The following RASSF9 variants were observed in gnomAD, a reference collection of about 807,000 sequenced individuals.
RASSF9 encodes Ras association domain family member 9.
RASSF9 carries 18 observed loss-of-function variants against 21.4 expected under a neutral mutation model. The observed-to-expected ratio is 0.84, with a 90% CI of 0.58 to 1.25. The LOEUF (loss-of-function observed/expected upper bound fraction) is 1.25, where lower values mean the gene tolerates loss of function less well. RASSF9 is among the 50% of genes most tolerant of loss of function. The probability of loss-of-function intolerance (pLI) is 0.00; values close to 1 mark genes in which losing one functional copy is unlikely to be tolerated. For synonymous variants in RASSF9, 183 were observed against 179.1 expected, an observed-to-expected ratio of 1.02 and a Z score of -0.18; for missense variants, 480 against 503.2, an observed-to-expected ratio of 0.95 and a Z score of 0.44.
In RASSF9 at chr12:85,805,795, C is replaced by G. The variant is rs1405882537; in HGVS notation, c.215G>C (p.Gly72Ala). Residue 72 changes from glycine to alanine, a missense_variant, in exon 2 of 2, where the codon GGG (glycine) becomes GCG (alanine). Transcript: ENST00000361228. ...ATFGEKRFLL[G>A]KPSDYCIIEK... ...TATGATGCAGTAATCACTGGGCTTC[C>G]CCAGAAGAAATCGTTTCTCTCCAAA... 3 of 1,613,826 alleles carry G rather than the reference C, an allele frequency of 1.9e-6. No individual in the cohort carries two copies. The South Asian group carries it at 3.3e-5, about 18-fold the overall frequency.
At chr12:85,823,671 G>C (rs1006329743) in intron 1 of RASSF9, among the ~76,000 whole-genome samples, 5 of 152,164 alleles carry the variant, frequency 3.3e-5, no homozygotes, top group Non-Finnish European at 7.3e-5. Context: ...TGTATCTTCT[G>C]CTTAATTCTT....
intron 1 of RASSF9, among the ~76,000 whole-genome samples, chr12:85,825,813 CA>C (rs2136561539): frequency 6.7e-6 from 1 of 148,200 alleles, no homozygotes; most frequent in Admixed American, 6.7e-5. Flanking sequence ...CACACACACA[CA>C]CCCTTACAGT....
At chr12:85,808,752 A>G (rs973110491) in intron 1 of RASSF9, among the ~76,000 whole-genome samples, 6 of 152,070 alleles carry the variant, frequency 3.9e-5, no homozygotes, top group Non-Finnish European at 7.4e-5. Flanking sequence ...TTGAAAAGCA[A>G]TAAACAATAT....
intron 1 of RASSF9, among the ~76,000 whole-genome samples, chr12:85,821,155 G>GA (rs369850571): frequency 4.1e-4 from 62 of 150,052 alleles, no homozygotes; most frequent in Non-Finnish European, 6.7e-4. Flanking sequence ...AAAAATAAAA[G>GA]AAAAAAAAAG....
chr12:85,814,500 C>A (rs12815343), intron 1 of RASSF9, among the ~76,000 whole-genome samples: 36,893 of 151,870 alleles, frequency 0.24, 5,596 homozygotes, highest in South Asian at 0.36. Flanking sequence ...AACATATTTT[C>A]ATCATAGCTC....
At chr12:85,807,754 G>A (rs1426588912) in intron 1 of RASSF9, among the ~76,000 whole-genome samples, 1 of 151,962 alleles carries the variant, frequency 6.6e-6, no homozygotes, top group African/African-American at 2.4e-5. Flanking sequence ...CAGTTCTCTG[G>A]AGAAAAAATG....
rs1879745065 is a variant in RASSF9, at chr12:85,803,406, C to T, written c.*1296G>A. The T allele has an allele frequency of 6.6e-6, 1 of 151,252 alleles. No homozygotes were observed. The highest frequency in any genetic ancestry group is 2.4e-5 in the African/African-American group (1 of 41,072). 9.4% of individuals were successfully genotyped at this position (151,252 alleles called of 1,614,324 possible). A position where few individuals can be genotyped will look rare whatever the true frequency, so the allele number is the denominator to read the frequency against. Reference sequence around the variant, plus strand: ...CTGCAGCAGTACTCAGTTAACAGTACAATAAAAAATAATTATTTCATTATG... The same window carrying T: ...CTGCAGCAGTACTCAGTTAACAGTATAATAAAAAATAATTATTTCATTATG... On this transcript the variant is annotated 3_prime_UTR_variant, in exon 2 of 2. Coordinates refer to ENST00000361228, the MANE Select transcript of RASSF9 (RefSeq NM_005447.4).
intron 1 of RASSF9, among the ~76,000 whole-genome samples, chr12:85,826,467 A>G (rs867923394): frequency 6.2e-4 from 58 of 93,586 alleles, no homozygotes; most frequent in African/African-American, 2.5e-3. Flanking sequence ...TTTTTTTTTG[A>G]GGCAGAATCT....
At chr12:85,817,584 G>A (rs1345811124) in intron 1 of RASSF9, among the ~76,000 whole-genome samples, 1 of 151,674 alleles carries the variant, frequency 6.6e-6, no homozygotes, top group Non-Finnish European at 1.5e-5. Flanking sequence ...TTTATTCTAG[G>A]TTACTTTACC....
At chr12:85,835,285 T>G (rs560115184) in intron 1 of RASSF9, among the ~76,000 whole-genome samples, 1 of 152,242 alleles carries the variant, frequency 6.6e-6, no homozygotes, top group South Asian at 2.1e-4. Context: ...AATAAATATA[T>G]TTTTAAAAAA....
intron 1 of RASSF9, among the ~76,000 whole-genome samples, chr12:85,816,147 C>T (rs1026173734): frequency 3.3e-5 from 5 of 151,834 alleles, no homozygotes; most frequent in Admixed American, 3.3e-4. Flanking sequence ...CACACTGGGG[C>T]CTTTCAGAGG....
In RASSF9 at chr12:85,836,138, C is replaced by T. The variant is rs138047031; in HGVS notation, c.47+17G>A. The T allele has an allele frequency of 5.2e-6, 8 of 1,551,254 alleles. No homozygotes were observed. The highest frequency in any genetic ancestry group is 7.0e-6 in the Non-Finnish European group (8 of 1,146,896). ...ACACAGAGACACACACACACTTACT[C>T]ACACGCTTGACTTTACCTGTTTTTA... On this transcript the variant is annotated intron_variant, in intron 1 of 1. Transcript: ENST00000361228.
chr12:85,806,072 AT>A (rs113430296), intron 1 of RASSF9, 110 bp from the exon 2 acceptor site: 23 of 1,192,974 alleles, frequency 1.9e-5, no homozygotes, highest in Middle Eastern at 2.7e-4. Flanking sequence ...TGAGAGAGGC[AT>A]TTTTTTTCTG....
At chr12:85,807,911 T>A (rs1460247968) in intron 1 of RASSF9, among the ~76,000 whole-genome samples, 2 of 152,118 alleles carry the variant, frequency 1.3e-5, no homozygotes, top group Admixed American at 1.3e-4. Flanking sequence ...AAGAAACAAA[T>A]GACATGAAAT....
In RASSF9 at chr12:85,804,995, T is replaced by C. The variant is rs111305817; in HGVS notation, c.1015A>G (p.Ile339Val). Reference protein sequence around the residue: ...GLKIHSHLSGIQKEIKYSDSL... With the variant: ...GLKIHSHLSGVQKEIKYSDSL... ...TCACTGTATTTAATCTCTTTCTGGA[T>C]GCCACTCAAATGAGAGTGAATTTTC... Residue 339 changes from isoleucine to valine, a missense_variant, in exon 2 of 2, where the codon ATC (isoleucine) becomes GTC (valine). Coordinates refer to ENST00000361228, the MANE Select transcript of RASSF9 (RefSeq NM_005447.4). 8.4e-4 allele frequency: 1,353 copies of C among 1,613,894 alleles called. 11 individuals carry two copies. In the African/African-American group the frequency reaches 0.016, roughly 19 times the overall value.
intron 1 of RASSF9, among the ~76,000 whole-genome samples, chr12:85,810,709 T>A (rs1263618217): frequency 6.6e-6 from 1 of 151,866 alleles, no homozygotes. Flanking sequence ...AGAAATAATA[T>A]CTACAAACGC....
chr12:85,813,348 T>C (rs879703163), intron 1 of RASSF9, among the ~76,000 whole-genome samples: 1 of 151,890 alleles, frequency 6.6e-6, no homozygotes, highest in Non-Finnish European at 1.5e-5. Flanking sequence ...TACACAGAAT[T>C]AAAATGAGTT....
chr12:85,809,668 AATGATGATGATG>A (rs112741704), intron 1 of RASSF9, among the ~76,000 whole-genome samples: 1,497 of 139,256 alleles, frequency 0.011, 18 homozygotes, highest in Non-Finnish European at 0.015. Context: ...GAATAGTAAT[AATGATGATGATG>A]ATGATGATGA....
At chr12:85,835,591 A>G (rs1159770905) in intron 1 of RASSF9, among the ~76,000 whole-genome samples, 1 of 151,720 alleles carries the variant, frequency 6.6e-6, no homozygotes, top group African/African-American at 2.4e-5. Flanking sequence ...CAATTCAAAC[A>G]AAGTTTCTCT....
Sources: gnomAD v4.1 joint callset for allele counts (sites outside exome capture counted in the v4.1 genomes callset) on GRCh38, gnomAD v4.1.1 for gene constraint, MANE v1.5 for transcripts, NCBI Gene and HGNC (gene_info 2026-07-23, HGNC 2026-07-21) for gene names.